The following GON4L variants were observed in gnomAD, a reference collection of about 807,000 sequenced individuals.
GON4L encodes gon-4 like, also known as GON-4-like protein.
GON4L carries 87 observed loss-of-function variants against 211.8 expected under a neutral mutation model. The observed-to-expected ratio is 0.41, with a 90% CI of 0.35 to 0.49. The LOEUF (loss-of-function observed/expected upper bound fraction) is 0.49, where lower values mean the gene tolerates loss of function less well. Ranked by LOEUF, GON4L falls within the 20% of genes least tolerant of loss-of-function variation. GON4L has a pLI of 0.15. For missense variants in GON4L, 2,155 were observed against 2,659.5 expected (o/e 0.81, Z 4.17); for synonymous variants, 875 against 962.6 (o/e 0.91, Z 1.68).
intron 21 of GON4L, chr1:155,764,720 T>C: frequency 1.1e-6 from 1 of 945,412 alleles, no homozygotes; most frequent in Non-Finnish European, 1.6e-6. Context: ...ACTACAGGAG[T>C]GAGCCACCAA....
At chr1:155,844,252 T>C (rs1220077179) in intron 2 of GON4L, among the ~76,000 whole-genome samples, 2 of 151,842 alleles carry the variant, frequency 1.3e-5, no homozygotes, top group East Asian at 3.9e-4. Context: ...TCTGGACTCT[T>C]TGGCAATTGT....
chr1:155,793,376 A>C (rs1665785256), intron 12 of GON4L, among the ~76,000 whole-genome samples: 1 of 152,164 alleles, frequency 6.6e-6, no homozygotes, highest in Non-Finnish European at 1.5e-5. Context: ...TCTTTACACA[A>C]AGAACTGCAT....
intron 11 of GON4L, among the ~76,000 whole-genome samples, chr1:155,799,518 T>C (rs557262078): frequency 2.8e-4 from 42 of 152,274 alleles, no homozygotes; most frequent in African/African-American, 9.6e-4. Context: ...AATTCCCCAA[T>C]CAACCTTTAT....
chr1:155,748,157 G>C, downstream of GON4L: 1 of 1,558,090 alleles, frequency 6.4e-7, no homozygotes, highest in Non-Finnish European at 8.7e-7. Flanking sequence ...TTCTGACTGC[G>C]GCAGGCTACA....
At position 155,849,032 on chromosome 1, in the gene GON4L, C is replaced by A. The variant is rs908741648; in HGVS notation, c.505+4244G>T. Among the ~76,000 whole-genome samples, 3 of 151,664 alleles carry A rather than the reference C, an allele frequency of 2.0e-5. No individual in the cohort carries two copies. The East Asian group carries it at 5.8e-4, about 29-fold the overall frequency. ...GCCTGGTGATGCACACCTGTAATCC[C>A]AGCTACTTGGGAGGCTGAGGCAGGA... is the stretch of plus-strand genomic sequence containing the variant. On this transcript the variant is annotated intron_variant, in intron 2 of 31. Coordinates refer to ENST00000368331, the MANE Select transcript of GON4L (RefSeq NM_001282860.2).
Position 155,853,431 on chromosome 1 carries a change from T to A in GON4L, c.350A>T (p.His117Leu). The A allele has an allele frequency of 6.2e-7, 1 of 1,614,102 alleles. No individual in the cohort carries two copies. ...SLESFHPLNI[H>L]IGKGKLHATG... ...AGCGTGGAGTTTTCCTTTACCAATGTGTATATTAAGGGGGTGAAAAGACTC... is the reference window on the plus strand; with the variant it reads ...AGCGTGGAGTTTTCCTTTACCAATGAGTATATTAAGGGGGTGAAAAGACTC... The change falls in exon 2 of 32, where the codon CAC (histidine) becomes CTC (leucine). Residue 117 changes from histidine (H) to leucine (L), a missense_variant. Transcript: ENST00000368331.
upstream of GON4L, among the ~76,000 whole-genome samples, chr1:155,857,962 C>A (rs1215543963): frequency 2.0e-5 from 3 of 152,180 alleles, no homozygotes; most frequent in Non-Finnish European, 4.4e-5. Context: ...GACTTGGTCT[C>A]CACAATAGAC....
At chr1:155,834,635 G>T (rs1670121556) in intron 2 of GON4L, among the ~76,000 whole-genome samples, 1 of 152,152 alleles carries the variant, frequency 6.6e-6, no homozygotes, top group African/African-American at 2.4e-5. Flanking sequence ...AAAGCAAGAT[G>T]GTGATGAAAG....
intron 21 of GON4L, among the ~76,000 whole-genome samples, chr1:155,763,812 C>T (rs542158176): frequency 7.2e-5 from 11 of 151,984 alleles, no homozygotes; most frequent in East Asian, 3.9e-4. Flanking sequence ...GGACCAGCCT[C>T]GCCAACATGA....
intron 1 of GON4L, among the ~76,000 whole-genome samples, chr1:155,854,145 T>C (rs913861883): frequency 6.6e-6 from 1 of 152,124 alleles, no homozygotes; most frequent in African/African-American, 2.4e-5. Context: ...TATTTTTGTG[T>C]TTTTTTGTTT....
intron 11 of GON4L, among the ~76,000 whole-genome samples, chr1:155,799,288 G>T (rs1666402582): frequency 6.6e-6 from 1 of 152,162 alleles, no homozygotes; most frequent in African/African-American, 2.4e-5. Context: ...TACAAAATTA[G>T]CTGGGTATGG....
intron 19 of GON4L, among the ~76,000 whole-genome samples, chr1:155,768,842 G>C (rs1055795299): frequency 2.0e-5 from 3 of 152,156 alleles, no homozygotes; most frequent in Non-Finnish European, 4.4e-5. Flanking sequence ...ATGATAATAT[G>C]GCTTAGAATT....
intron 11 of GON4L, among the ~76,000 whole-genome samples, chr1:155,798,881 A>G (rs991681535): frequency 6.6e-6 from 1 of 152,112 alleles, no homozygotes; most frequent in Admixed American, 6.6e-5. Flanking sequence ...TTATTCTCAG[A>G]GCACTCATTT....
intron 4 of GON4L, 30 bp downstream of exon 4, chr1:155,822,256 C>A: frequency 6.4e-7 from 1 of 1,560,510 alleles, no homozygotes; most frequent in East Asian, 2.2e-5. Flanking sequence ...AGTTCCCTTC[C>A]ATTTACATAA....
chr1:155,757,100 G>A lies in GON4L; in HGVS notation c.5398-23C>T, dbSNP rs188084997. On this transcript the variant is annotated intron_variant, in intron 26 of 31. Transcript: ENST00000368331. Reference sequence around the variant, plus strand: ...AAACTGAGAAGGAGTTGGTGCTGCTGAGCACAGACACCAGGCCAATATCCC... The same window carrying A: ...AAACTGAGAAGGAGTTGGTGCTGCTAAGCACAGACACCAGGCCAATATCCC... 129 of 1,613,918 alleles carry A rather than the reference G, an allele frequency of 8.0e-5. 3 individuals are homozygous for A. Among genetic ancestry groups the A allele is most frequent in the Admixed American group, 7.5e-4 (45 of 60,010 alleles).
chr1:155,849,484 C>T (rs1468608536), intron 2 of GON4L, among the ~76,000 whole-genome samples: 1 of 142,424 alleles, frequency 7.0e-6, no homozygotes, highest in East Asian at 2.1e-4. Flanking sequence ...GTGAAGCTTG[C>T]AATGAGCCGA....
At chr1:155,839,130 A>T (rs889369622) in intron 2 of GON4L, among the ~76,000 whole-genome samples, 13 of 152,204 alleles carry the variant, frequency 8.5e-5, no homozygotes, top group Non-Finnish European at 1.3e-4. Flanking sequence ...GATTCAAATT[A>T]TGGACTTGAA....
chr1:155,778,466 C>A (rs550224226), intron 14 of GON4L, among the ~76,000 whole-genome samples: 2 of 152,090 alleles, frequency 1.3e-5, no homozygotes, highest in East Asian at 1.9e-4. Flanking sequence ...TTAGCCAGGA[C>A]GGTCTCCATC....
At chr1:155,839,572 A>G (rs1188102459) in intron 2 of GON4L, among the ~76,000 whole-genome samples, 1 of 150,674 alleles carries the variant, frequency 6.6e-6, no homozygotes, top group Non-Finnish European at 1.5e-5. Context: ...AATTGCTTGA[A>G]CCCGGGAGGC....
Sources: allele counts gnomAD v4.1 joint callset (sites outside exome capture counted in the v4.1 genomes callset), GRCh38; gene constraint gnomAD v4.1.1; transcripts MANE v1.5; gene names NCBI Gene and HGNC (gene_info 2026-07-23, HGNC 2026-07-21).